UBR4: variants seen among roughly 807,000 people sequenced by gnomAD.
UBR4 encodes the protein E3 ubiquitin-protein ligase UBR4.
In UBR4, 124 loss-of-function variants were observed where a neutral mutation model predicts 575.6. The ratio of observed to expected loss-of-function variants is 0.22; its 90% confidence interval spans 0.19 to 0.25. The LOEUF (loss-of-function observed/expected upper bound fraction) is 0.25. Among genes scored for constraint, UBR4 ranks in the 10% least tolerant of loss-of-function variants. The pLI is 1.00. For missense variants in UBR4, 4,818 were observed against 6,478.8 expected (o/e 0.74, Z 8.80); for synonymous variants, 2,455 against 2,473.7 (o/e 0.99, Z 0.22).
rs530401074 is a variant in UBR4 at position 19,201,749 on chromosome 1, G to T, written c.243C>A (p.Ser81=). Residue 81 remains serine, a synonymous_variant, in exon 2 of 106, where the codon TCC becomes TCA. Coordinates refer to ENST00000375254, the MANE Select transcript of UBR4 (RefSeq NM_020765.3). ...TGCAAACTGTTGTAATATAGTGTGT[G>T]GAAAGTGCAACAAAAGATGAGTAGA... The part of the protein sequence containing the change: ...EPFYSSFVAL[S]THYITTVCSL... 6 of 1,613,926 alleles carry T rather than the reference G, an allele frequency of 3.7e-6. No individual in the cohort carries two copies. In the African/African-American group the frequency reaches 4.0e-5, roughly 11 times the overall value.
Position 19,173,754 on chromosome 1 carries a change from C to T in UBR4, c.2983-133G>A, listed in dbSNP as rs1571443332. The T allele has an allele frequency of 3.6e-5, 31 of 851,014 alleles. No individual in the cohort carries two copies. The South Asian group carries it at 5.3e-4, about 14-fold the overall frequency. 52.7% of individuals were successfully genotyped at this position (851,014 alleles called of 1,614,324 possible). On this transcript the variant is annotated intron_variant, in intron 22 of 105. Transcript: ENST00000375254. ...TCCTGATTTTAAATTGAGATTTGGC[C>T]CCCAAGTCCATTCTCCAGATCTTTC...
intron 87 of UBR4, among the ~76,000 whole-genome samples, chr1:19,103,039 G>C (rs1274584179): frequency 6.6e-6 from 1 of 152,162 alleles, no homozygotes; most frequent in Non-Finnish European, 1.5e-5. Context: ...CCTCACAGAA[G>C]CAGTTCTTTA....
At chr1:19,083,160 A>C (rs1393183972) in intron 102 of UBR4, among the ~76,000 whole-genome samples, 1 of 152,084 alleles carries the variant, frequency 6.6e-6, no homozygotes, top group Non-Finnish European at 1.5e-5. Context: ...AGAAGGAGCG[A>C]AATTTGGACA....
chr1:19,120,622 A>G (rs918140734), intron 68 of UBR4, among the ~76,000 whole-genome samples: 2 of 152,228 alleles, frequency 1.3e-5, no homozygotes, highest in Non-Finnish European at 2.9e-5. Context: ...ACCACAGGAT[A>G]AAGTGCTATG....
At chr1:19,076,050 C>T (rs1022765620) in intron 105 of UBR4, among the ~76,000 whole-genome samples, 1 of 152,198 alleles carries the variant, frequency 6.6e-6, no homozygotes, top group Non-Finnish European at 1.5e-5. Flanking sequence ...GTCTTTTAAC[C>T]CTAGGTGGAT....
chr1:19,137,559 T>C (rs1269908208), intron 60 of UBR4, among the ~76,000 whole-genome samples: 1 of 152,348 alleles, frequency 6.6e-6, no homozygotes, highest in Non-Finnish European at 1.5e-5. Flanking sequence ...ATATATTTGC[T>C]ATGTCTTATT....
At position 19,115,560 on chromosome 1, in the gene UBR4, G is replaced by A. The variant is rs2080419557; in HGVS notation, c.10901C>T (p.Pro3634Leu). ...AATCATCAGATTGGAGGCCACAATG[G>A]GCAACGGCAGGTCAATCTTCACCTC... ...QTEVKIDLPL[P>L]IVASNLMIEF... Residue 3634 changes from proline (P) to leucine (L), a missense_variant, in exon 74 of 106, where the codon CCC becomes CTC. This residue lies in a region of UBR4 where 550 missense variants were observed against 791.5 expected (regional missense o/e 0.69). Transcript: ENST00000375254. 2 of 1,614,034 alleles carry A rather than the reference G, an allele frequency of 1.2e-6. No homozygotes were observed. Among genetic ancestry groups the A allele is most frequent in the Non-Finnish European group, 1.7e-6 (2 of 1,180,020 alleles).
At chr1:19,112,992 A>C in intron 77 of UBR4, 125 bp from the exon 78 acceptor site, 2 of 965,922 alleles carry the variant, frequency 2.1e-6, no homozygotes, top group Non-Finnish European at 1.5e-6. Flanking sequence ...CTTCTCAATA[A>C]CCCAACTGGT....
At chr1:19,190,728 A>T (rs1456595208) in intron 11 of UBR4, among the ~76,000 whole-genome samples, 1 of 152,044 alleles carries the variant, frequency 6.6e-6, no homozygotes, top group Admixed American at 6.6e-5. Flanking sequence ...GTACCTTCCA[A>T]ATATATTTCA....
rs1253103016 is a variant in UBR4, at chr1:19,144,014, A to C, written c.8145T>G (p.Thr2715=). 3 of 1,613,946 alleles carry C rather than the reference A, an allele frequency of 1.9e-6. No individual in the cohort carries two copies. The African/African-American group carries it at 4.0e-5, about 22-fold the overall frequency. Reference sequence around the variant, plus strand: ...TGTTGCTTCGAGGGGAAGAGGGTAAAGTCACATGTCTCCGTTTGTTCCTGG... The same window carrying C: ...TGTTGCTTCGAGGGGAAGAGGGTAACGTCACATGTCTCCGTTTGTTCCTGG... The part of the protein sequence containing the change: ...LRPRNKRRHV[T]LPSSPRSNTP... Residue 2715 remains threonine, a synonymous_variant, in exon 55 of 106, where the codon ACT becomes ACG. Coordinates refer to ENST00000375254, the MANE Select transcript of UBR4 (RefSeq NM_020765.3).
chr1:19,174,896 G>A, intron 21 of UBR4, 58 bp downstream of exon 21: 2 of 1,506,964 alleles, frequency 1.3e-6, no homozygotes, highest in Middle Eastern at 1.7e-4. Flanking sequence ...CCAGTAGGCT[G>A]ATTCTGGTGG....
intron 13 of UBR4, among the ~76,000 whole-genome samples, chr1:19,186,924 C>T (rs771054851): frequency 6.6e-6 from 1 of 151,848 alleles, no homozygotes; most frequent in Non-Finnish European, 1.5e-5. Context: ...CAAGTAGCCA[C>T]GTGTATCACA....
At chr1:19,132,604 G>GAAAAAAAA (rs1557716278) in intron 60 of UBR4, among the ~76,000 whole-genome samples, 17 of 19,908 alleles carry the variant, frequency 8.5e-4, no homozygotes, top group East Asian at 3.0e-3. Context: ...GTAAAAAATG[G>GAAAAAAAA]TAAAAAAAAA....
At chr1:19,151,171 T>C in intron 48 of UBR4, 1 of 331,524 alleles carries the variant, frequency 3.0e-6, no homozygotes, top group Non-Finnish European at 5.6e-6. Flanking sequence ...AGAAAGAATA[T>C]CAGACAGTGG....
Position 19,110,368 on chromosome 1 carries a change from C to A in UBR4, c.11977+12G>T. The A allele has an allele frequency of 6.2e-7, 1 of 1,614,026 alleles. No individual in the cohort carries two copies. ...AGCCTCCTTTCCTTTCTCTGAAAAT[C>A]CCCTAACTCACCACAGCGTAACCGG... On this transcript the variant is annotated intron_variant, in intron 80 of 105. Coordinates refer to ENST00000375254, the MANE Select transcript of UBR4 (RefSeq NM_020765.3). The surrounding 1 kb of genome is among the most constrained non-coding windows in gnomAD (Gnocchi z 4.5).
chr1:19,204,110 T>A (rs1434002622), intron 1 of UBR4, among the ~76,000 whole-genome samples: 1 of 152,204 alleles, frequency 6.6e-6, no homozygotes, highest in Non-Finnish European at 1.5e-5. Context: ...GCGATTCTCC[T>A]GCCTCAGCCT....
Position 19,177,750 on chromosome 1 carries a change from G to A in UBR4, c.2355-7C>T. ...CTTCATTGTAGACAAAAACCTACCA[G>A]AGAGAAAAGATGACTATATCTGGTG... On this transcript the variant is annotated splice_region_variant and splice_polypyrimidine_tract_variant and intron_variant, in intron 18 of 105. Coordinates refer to ENST00000375254, the MANE Select transcript of UBR4 (RefSeq NM_020765.3). The A allele has an allele frequency of 6.2e-7, 1 of 1,610,184 alleles. No individual in the cohort carries two copies. The highest frequency in any genetic ancestry group is 8.5e-7 in the Non-Finnish European group (1 of 1,178,070).
At position 19,088,007 on chromosome 1, in the gene UBR4, C is replaced by T; in HGVS notation, c.14431-78G>A. 1 of 1,115,986 alleles carries T rather than the reference C, an allele frequency of 9.0e-7. No individual in the cohort carries two copies. The highest frequency in any genetic ancestry group is 1.3e-6 in the Non-Finnish European group (1 of 753,480). 69.1% of individuals were successfully genotyped at this position (1,115,986 alleles called of 1,614,324 possible). On this transcript the variant is annotated intron_variant, in intron 98 of 105. Coordinates refer to ENST00000375254, the MANE Select transcript of UBR4 (RefSeq NM_020765.3). This position sits in a 1 kb window ranked among gnomAD's most constrained non-coding sequence, Gnocchi z 4.0. ...ACCCTAGCTTGGAGATGCTCAGGAA[C>T]AGGGCTAACCTTCTACCTCCACTAA... is the stretch of plus-strand genomic sequence containing the variant.
intron 102 of UBR4, among the ~76,000 whole-genome samples, chr1:19,082,584 C>T (rs2076625784): frequency 1.3e-5 from 2 of 152,158 alleles, no homozygotes; most frequent in Admixed American, 6.5e-5. Flanking sequence ...GATGCCCTAT[C>T]CTAACTCCAT....
Sources: gnomAD v4.1 joint callset for allele counts (sites outside exome capture counted in the v4.1 genomes callset) on GRCh38, gnomAD v4.1.1 for gene constraint, gnomAD v4.1.1 regional missense constraint, Gnocchi (gnomAD v3.1) non-coding constraint, MANE v1.5 for transcripts, NCBI Gene and HGNC (gene_info 2026-07-23, HGNC 2026-07-21) for gene names.